SERINC5: variants seen among roughly 807,000 people sequenced by gnomAD.
SERINC5 encodes the protein chromosome 5 open reading frame 12.
SERINC5 carries 41 observed loss-of-function variants against 63.1 expected under a neutral mutation model. That is an observed-to-expected ratio of 0.65 (90% CI 0.51 to 0.84). The LOEUF is 0.84. Ranked by LOEUF, SERINC5 falls within the 40% of genes least tolerant of loss-of-function variation. The pLI is 0.00. For missense variants in SERINC5, 523 were observed against 573.0 expected (o/e 0.91, Z 0.89); for synonymous variants, 222 against 215.2 (o/e 1.03, Z -0.28).
chr5:80,120,186 T>C (rs981052986), intron 11 of SERINC5, among the ~76,000 whole-genome samples: 2 of 152,228 alleles, frequency 1.3e-5, no homozygotes, highest in African/African-American at 4.8e-5. Context: ...TTCTTCTTCT[T>C]GTTCATACAC....
Position 80,197,144 on chromosome 5 carries a change from T to A in SERINC5, c.195+5742A>T, listed in dbSNP as rs527343320. ...CAGGCAAATCACCTGAGGTCAGGAG[T>A]TCGAGACCAGCCTGGCCAACATGGT... is the stretch of plus-strand genomic sequence containing the variant. On this transcript the variant is annotated intron_variant, in intron 2 of 11. Transcript: ENST00000507668. Among the ~76,000 whole-genome samples the A allele has an allele frequency of 5.9e-5, 9 of 151,606 alleles. No homozygotes were observed. The East Asian group carries it at 1.8e-3, about 30-fold the overall frequency.
chr5:80,113,933 G>T (rs1744233867), intron 11 of SERINC5, among the ~76,000 whole-genome samples: 1 of 151,926 alleles, frequency 6.6e-6, no homozygotes, highest in South Asian at 2.1e-4. Context: ...AGGCTCCCCA[G>T]GCCTGGTGCC....
chr5:80,178,351 C>G (rs1322631139), intron 2 of SERINC5, among the ~76,000 whole-genome samples: 1 of 121,084 alleles, frequency 8.3e-6, no homozygotes, highest in Non-Finnish European at 1.7e-5. Context: ...CGCCCCCACC[C>G]CCACCCCCAC....
At chr5:80,152,751 G>A (rs1022997832) in intron 8 of SERINC5, among the ~76,000 whole-genome samples, 1 of 151,926 alleles carries the variant, frequency 6.6e-6, no homozygotes, top group Admixed American at 6.6e-5. Flanking sequence ...GACCAGCCTG[G>A]CCAACATGGC....
intron 11 of SERINC5, among the ~76,000 whole-genome samples, chr5:80,123,204 T>C (rs939143698): frequency 2.6e-5 from 4 of 152,188 alleles, no homozygotes; most frequent in African/African-American, 9.7e-5. Flanking sequence ...CAAGCAGTTC[T>C]CCCACCTCAA....
intron 7 of SERINC5, among the ~76,000 whole-genome samples, chr5:80,164,018 A>C (rs562403648): frequency 6.6e-6 from 1 of 152,140 alleles, no homozygotes; most frequent in Non-Finnish European, 1.5e-5. Context: ...TCTTATTGGA[A>C]GATTTTTTAA....
intron 1 of SERINC5, among the ~76,000 whole-genome samples, chr5:80,226,906 T>A (rs1326360222): frequency 6.6e-6 from 1 of 152,172 alleles, no homozygotes; most frequent in East Asian, 1.9e-4. Context: ...TATGCCCTAC[T>A]TTTTTTGAGA....
intron 1 of SERINC5, among the ~76,000 whole-genome samples, chr5:80,243,535 C>T (rs1752038253): frequency 1.3e-5 from 2 of 151,850 alleles, no homozygotes; most frequent in Admixed American, 6.6e-5. Context: ...ATCTAAGCTT[C>T]AGATGGGTCA....
chr5:80,131,404 G>A (rs1744944120), intron 11 of SERINC5, among the ~76,000 whole-genome samples: 1 of 152,164 alleles, frequency 6.6e-6, no homozygotes, highest in Non-Finnish European at 1.5e-5. Context: ...AAATTACCCA[G>A]TCTTGGGTAT....
At chr5:80,133,705 TTAA>T (rs1745040662) in intron 11 of SERINC5, among the ~76,000 whole-genome samples, 1 of 152,216 alleles carries the variant, frequency 6.6e-6, no homozygotes, top group Non-Finnish European at 1.5e-5. Context: ...CAGACTCAAT[TTAA>T]GACAGGGGAA....
intron 2 of SERINC5, among the ~76,000 whole-genome samples, chr5:80,183,698 A>AC (rs1748606609): frequency 2.0e-5 from 3 of 151,370 alleles, no homozygotes; most frequent in Non-Finnish European, 2.9e-5. Flanking sequence ...GCACCTTGTG[A>AC]CCCCCGCCCC....
At chr5:80,151,760 C>T (rs1175897495) in intron 8 of SERINC5, among the ~76,000 whole-genome samples, 2 of 152,158 alleles carry the variant, frequency 1.3e-5, no homozygotes, top group East Asian at 3.8e-4. Flanking sequence ...ATGTGTCAGG[C>T]CCGATTCTAA....
Position 80,189,669 on chromosome 5 carries a change from T to C in SERINC5, c.196-11605A>G, listed in dbSNP as rs58677035. 6.6e-3 allele frequency among the ~76,000 whole-genome samples: 998 copies of C among 152,302 alleles called. 10 individuals carry two copies. Among genetic ancestry groups the C allele is most frequent in the African/African-American group, 0.023 (956 of 41,550 alleles). ...ATTCTAACCATTTAGAGAAAACACATGCTTATAGTCTAAGTGAGCCTCAAA... is the reference window on the plus strand; with the variant it reads ...ATTCTAACCATTTAGAGAAAACACACGCTTATAGTCTAAGTGAGCCTCAAA... On this transcript the variant is annotated intron_variant, in intron 2 of 11. Transcript: ENST00000507668.
downstream of SERINC5, among the ~76,000 whole-genome samples, chr5:80,138,185 C>T (rs1356360402): frequency 4.0e-5 from 6 of 148,982 alleles, no homozygotes; most frequent in South Asian, 2.2e-4. Context: ...GGGGACTGGG[C>T]GAGGGGGGAG....
chr5:80,169,501 G>C lies in SERINC5; in HGVS notation c.597C>G (p.Ala199=). 6.2e-7 allele frequency: 1 copy of C among 1,613,844 alleles called. No homozygotes were observed. Among genetic ancestry groups the C allele is most frequent in the Non-Finnish European group, 8.5e-7 (1 of 1,179,850 alleles). The part of the protein sequence containing the change: ...ASNKLWYASL[A]LVTLIMYSIA... ...TGGAATACATGATGAGCGTCACCAG[G>C]GCCAGGGAGGCGTACCACAGCTTGT... Residue 199 remains alanine, a synonymous_variant, in exon 6 of 12, where the codon GCC becomes GCG. Transcript: ENST00000507668.
chr5:80,204,981 T>C (rs572669827), intron 1 of SERINC5, among the ~76,000 whole-genome samples: 1 of 152,340 alleles, frequency 6.6e-6, no homozygotes, highest in East Asian at 1.9e-4. Context: ...CTCAGGCACA[T>C]ACACGGTGGG....
In SERINC5 at chr5:80,143,044, CAG is replaced by C. The variant is rs1316376906; in HGVS notation, c.*617_*618del. ...ATGAGACCTCGGGGAAGGGTGCAGG[CAG>C]AGAGTGAAGTCTGTGATTCCCAGCA... On this transcript the variant is annotated 3_prime_UTR_variant, in exon 12 of 12. Coordinates refer to ENST00000507668, the MANE Select transcript of SERINC5 (RefSeq NM_001174072.3). The C allele has an allele frequency of 1.0e-5, 10 of 985,332 alleles. No individual in the cohort carries two copies. Among genetic ancestry groups the C allele is most frequent in the Admixed American group, 1.2e-4 (2 of 16,256 alleles). 61.0% of individuals were successfully genotyped at this position (985,332 alleles called of 1,614,324 possible). A position where few individuals can be genotyped will look rare whatever the true frequency, so the allele number is the denominator to read the frequency against.
At chr5:80,143,936 A>AC in intron 11 of SERINC5, 126 bp from the exon 12 acceptor site, 1 of 1,092,224 alleles carries the variant, frequency 9.2e-7, no homozygotes, top group South Asian at 1.6e-5. Flanking sequence ...GACTTGTGCT[A>AC]CCATCAACAC....
chr5:80,187,318 T>C (rs1044055969), intron 2 of SERINC5, among the ~76,000 whole-genome samples: 3 of 152,254 alleles, frequency 2.0e-5, no homozygotes, highest in Non-Finnish European at 4.4e-5. Context: ...TTGCAAGTTC[T>C]GTTTAATATC....
Sources: gnomAD v4.1 joint callset for allele counts (sites outside exome capture counted in the v4.1 genomes callset) on GRCh38, gnomAD v4.1.1 for gene constraint, MANE v1.5 for transcripts, NCBI Gene and HGNC (gene_info 2026-07-23, HGNC 2026-07-21) for gene names.